ANO10: variants seen among roughly 807,000 people sequenced by gnomAD.
The protein encoded by ANO10 is anoctamin-10.
A neutral mutation model predicts 74.7 loss-of-function variants in ANO10; 77 were observed. That is an observed-to-expected ratio of 1.03 (90% CI 0.86 to 1.25). ANO10 has a LOEUF of 1.25. Ranked by LOEUF, ANO10 falls within the 50% of genes most tolerant of loss-of-function variation. The pLI, the probability that ANO10 is intolerant of heterozygous loss-of-function variation, is 0.00. For synonymous variants in ANO10, 279 were observed against 284.9 expected, an observed-to-expected ratio of 0.98 and a Z score of 0.21; for missense variants, 721 against 778.1, an observed-to-expected ratio of 0.93 and a Z score of 0.87.
chr3:43,389,951 T>C (rs913544880), intron 12 of ANO10, among the ~76,000 whole-genome samples: 3 of 152,148 alleles, frequency 2.0e-5, no homozygotes, highest in African/African-American at 7.2e-5. Context: ...AGTCAGAGCC[T>C]AAAGGCCTTG....
intron 11 of ANO10, among the ~76,000 whole-genome samples, chr3:43,490,570 A>T (rs555841781): frequency 3.4e-4 from 52 of 152,342 alleles, no homozygotes; most frequent in Non-Finnish European, 6.3e-4. Context: ...TATGTACTCA[A>T]ACTGGTCTAG....
At position 43,539,549 on chromosome 3, in the gene ANO10, G is replaced by T. The variant is rs141320140; in HGVS notation, c.1797+10171C>A. On this transcript the variant is annotated intron_variant, in intron 11 of 12. Coordinates refer to ENST00000292246, the MANE Select transcript of ANO10 (RefSeq NM_018075.5). The stretch of plus-strand genomic sequence containing the variant: ...CTGTTGTTGAGAGCGGGAAGCACAG[G>T]CTGGGGTGCAGTAGGAGACAGCAGA... 5.5e-4 allele frequency among the ~76,000 whole-genome samples: 84 copies of T among 152,300 alleles called. No individual in the cohort carries two copies. In the East Asian group the frequency reaches 0.015, roughly 27 times the overall value.
chr3:43,485,147 G>A, intron 11 of ANO10: 1 of 783,666 alleles, frequency 1.3e-6, no homozygotes, highest in South Asian at 1.4e-5. Context: ...TCTGGATGGA[G>A]TGGGCCCTGG....
intron 11 of ANO10, among the ~76,000 whole-genome samples, chr3:43,511,745 A>C (rs2077515848): frequency 6.6e-6 from 1 of 152,206 alleles, no homozygotes; most frequent in Non-Finnish European, 1.5e-5. Context: ...TCAAGAGAGA[A>C]AATGCTTGCT....
chr3:43,393,515 C>T (rs528974405), intron 12 of ANO10, among the ~76,000 whole-genome samples: 9 of 152,186 alleles, frequency 5.9e-5, no homozygotes, highest in South Asian at 2.1e-4. Context: ...GATACACGTA[C>T]GCTCAAGCCC....
intron 11 of ANO10, among the ~76,000 whole-genome samples, chr3:43,513,375 G>A (rs956462935): frequency 2.6e-5 from 4 of 152,114 alleles, no homozygotes; most frequent in African/African-American, 9.7e-5. Context: ...AATATCTTGA[G>A]GGTAAACTTT....
chr3:43,682,402 G>C (rs963725100), intron 1 of ANO10, among the ~76,000 whole-genome samples: 5 of 152,174 alleles, frequency 3.3e-5, no homozygotes, highest in East Asian at 1.9e-4. Context: ...TCTCTGAATA[G>C]ACCAATAATA....
At position 43,561,238 on chromosome 3, in the gene ANO10, T is replaced by A. The variant is rs1179970030; in HGVS notation, c.1458A>T (p.Lys486Asn). 6.2e-7 allele frequency: 1 copy of A among 1,614,060 alleles called. No individual in the cohort carries two copies. The highest frequency in any genetic ancestry group is 1.7e-5 in the Admixed American group (1 of 60,006). The change falls in exon 9 of 13, where the codon AAA becomes AAT. Residue 486 changes from lysine to asparagine, a missense_variant. Transcript: ENST00000292246. ...AACTTACCAAATAAGTTCCCATTTC[T>A]TTTTCCAGGATGACTTGTTCATATA... Reference protein sequence around the residue: ...ATLYEQVILEKEMGTYLGTFD... With the variant: ...ATLYEQVILENEMGTYLGTFD...
At chr3:43,407,574 G>A (rs1559515811) in intron 12 of ANO10, among the ~76,000 whole-genome samples, 1 of 152,160 alleles carries the variant, frequency 6.6e-6, no homozygotes, top group Admixed American at 6.5e-5. Context: ...GGGATCACCA[G>A]GTCAAGGAGA....
At chr3:43,446,542 T>A (rs1309230412) in intron 11 of ANO10, among the ~76,000 whole-genome samples, 1 of 152,126 alleles carries the variant, frequency 6.6e-6, no homozygotes, top group Non-Finnish European at 1.5e-5. Flanking sequence ...AAAATACTGG[T>A]TTATGGTTTA....
intron 1 of ANO10, among the ~76,000 whole-genome samples, chr3:43,680,450 G>A (rs533186088): frequency 9.2e-5 from 14 of 152,298 alleles, no homozygotes; most frequent in South Asian, 4.1e-4. Flanking sequence ...CCAAATCTAC[G>A]TCTGATTGCT....
At chr3:43,591,767 C>G (rs1005627407) in intron 4 of ANO10, among the ~76,000 whole-genome samples, 1 of 152,158 alleles carries the variant, frequency 6.6e-6, no homozygotes, top group Non-Finnish European at 1.5e-5. Context: ...ACAGTGGGTG[C>G]AGCGCACGGA....
At chr3:43,464,846 C>G (rs2075546709) in intron 11 of ANO10, among the ~76,000 whole-genome samples, 1 of 152,064 alleles carries the variant, frequency 6.6e-6, no homozygotes, top group Non-Finnish European at 1.5e-5. Flanking sequence ...GAAATAGAGG[C>G]AAATTTCCTC....
intron 12 of ANO10, among the ~76,000 whole-genome samples, chr3:43,423,283 T>G (rs932984958): frequency 1.3e-5 from 2 of 152,194 alleles, no homozygotes; most frequent in African/African-American, 2.4e-5. Context: ...CTCTTTTTTT[T>G]GTCCAAGGAC....
intron 9 of ANO10, among the ~76,000 whole-genome samples, chr3:43,559,785 G>A (rs564534010): frequency 6.6e-6 from 1 of 152,294 alleles, no homozygotes; most frequent in South Asian, 2.1e-4. Flanking sequence ...TTATCCCATA[G>A]TAAAATGACA....
rs527588261 is a variant in ANO10, at chr3:43,678,753, T to C, written c.-12+12764A>G. ...TCTGAGGAGTTTTGTCTCTGGCTCA[T>C]ACTCCTACAGTAAAGTCATAAAATT... On this transcript the variant is annotated intron_variant, in intron 1 of 3. Transcript: ENST00000413397. Among the ~76,000 whole-genome samples, 148 of 152,298 alleles carry C rather than the reference T, an allele frequency of 9.7e-4. 1 individual carries two copies. The highest frequency in any genetic ancestry group is 3.4e-3 in the African/African-American group (142 of 41,548).
At chr3:43,634,519 T>C (rs924275478) in intron 1 of ANO10, among the ~76,000 whole-genome samples, 1 of 152,110 alleles carries the variant, frequency 6.6e-6, no homozygotes, top group Non-Finnish European at 1.5e-5. Context: ...GGTATGTGTA[T>C]GTATACTCAT....
At chr3:43,554,969 G>A (rs923451948) in intron 10 of ANO10, among the ~76,000 whole-genome samples, 1 of 152,184 alleles carries the variant, frequency 6.6e-6, no homozygotes, top group African/African-American at 2.4e-5. Flanking sequence ...GTAGCAGAGA[G>A]GGTCTCATTA....
intron 11 of ANO10, among the ~76,000 whole-genome samples, chr3:43,528,594 T>C (rs768760336): frequency 2.6e-5 from 4 of 151,254 alleles, no homozygotes; most frequent in Non-Finnish European, 5.9e-5. Flanking sequence ...GAAAATATAA[T>C]AAGGGACACT....
Sources: allele counts gnomAD v4.1 joint callset (sites outside exome capture counted in the v4.1 genomes callset), GRCh38; gene constraint gnomAD v4.1.1; transcripts MANE v1.5; gene names NCBI Gene and HGNC (gene_info 2026-07-23, HGNC 2026-07-21).